Variants in GANC observed in about 807,000 individuals in gnomAD.
GANC encodes neutral alpha-glucosidase C.
A neutral mutation model predicts 124.2 loss-of-function variants in GANC; 117 were observed. That is an observed-to-expected ratio of 0.94 (90% CI 0.81 to 1.10). The LOEUF is 1.10. GANC is among the 50% of genes least tolerant of loss of function. The probability of loss-of-function intolerance (pLI) is 0.00; values close to 1 mark genes in which losing one functional copy is unlikely to be tolerated. For missense variants in GANC, 1,140 were observed against 1,095.0 expected, an observed-to-expected ratio of 1.04 and a Z score of -0.58; for synonymous variants, 377 against 376.8, an observed-to-expected ratio of 1.00 and a Z score of -0.01.
chr15:42,307,077 G>A (rs747521459), intron 7 of GANC, among the ~76,000 whole-genome samples: 101 of 152,268 alleles, frequency 6.6e-4, no homozygotes, highest in Non-Finnish European at 1.2e-3. Flanking sequence ...GATGGAATTA[G>A]GGTAGAGGGG....
intron 10 of GANC, among the ~76,000 whole-genome samples, chr15:42,320,203 AT>A (rs2052144667): frequency 8.8e-5 from 2 of 22,778 alleles, no homozygotes; most frequent in African/African-American, 4.9e-5. Context: ...TAATTAATTA[AT>A]TTTAAAAAAA....
At chr15:42,302,218 G>A (rs2051951985) in intron 6 of GANC, among the ~76,000 whole-genome samples, 2 of 152,204 alleles carry the variant, frequency 1.3e-5, no homozygotes, top group South Asian at 4.1e-4. Context: ...AACAGTGTCT[G>A]GAATGGACCT....
intron 15 of GANC, among the ~76,000 whole-genome samples, chr15:42,333,691 T>C (rs770165705): frequency 6.6e-6 from 1 of 152,254 alleles, no homozygotes; most frequent in African/African-American, 2.4e-5. Context: ...TAATAGTGTT[T>C]ATCTGATAGG....
rs746447294 is a variant in GANC at position 42,310,289 on chromosome 15, A to G, written c.729A>G (p.Gly243=). 6.3e-7 allele frequency: 1 copy of G among 1,587,570 alleles called. No homozygotes were observed. Among genetic ancestry groups the G allele is most frequent in the South Asian group, 1.1e-5 (1 of 87,310 alleles). ...GATAATCTTTGTGTTTCAGTGATGG[A>G]GATGCTTACCGTCTTTATAACCTGG... ...ESHQLKNTGD[G]DAYRLYNLDV... The change falls in exon 9 of 24, where the codon GGA becomes GGG. Residue 243 remains glycine, a synonymous_variant. Coordinates refer to ENST00000318010, the MANE Select transcript of GANC (RefSeq NM_198141.3).
chr15:42,317,776 A>G (rs564295082), intron 10 of GANC, among the ~76,000 whole-genome samples: 3 of 152,330 alleles, frequency 2.0e-5, no homozygotes, highest in East Asian at 1.9e-4. Flanking sequence ...ATTTATGGAT[A>G]TGGGCACCCA....
chr15:42,331,305 C>G (rs562640178), intron 15 of GANC, among the ~76,000 whole-genome samples: 2 of 152,344 alleles, frequency 1.3e-5, no homozygotes, highest in South Asian at 4.1e-4. Flanking sequence ...GGTCCTGTCT[C>G]TTTGATTTAT....
At chr15:42,281,348 A>G (rs1200534363) in intron 3 of GANC, among the ~76,000 whole-genome samples, 1 of 152,176 alleles carries the variant, frequency 6.6e-6, no homozygotes, top group Non-Finnish European at 1.5e-5. Context: ...GGTGATCACT[A>G]ATGTTGCCTG....
chr15:42,305,724 A>G (rs1164990314), intron 6 of GANC, among the ~76,000 whole-genome samples: 1 of 152,256 alleles, frequency 6.6e-6, no homozygotes, highest in Non-Finnish European at 1.5e-5. Context: ...CTGGATAAAG[A>G]AAATGTGGCA....
chr15:42,345,724 G>T, intron 19 of GANC, 34 bp from the exon 20 acceptor site: 1 of 1,348,334 alleles, frequency 7.4e-7, no homozygotes, highest in Non-Finnish European at 1.1e-6. Flanking sequence ...AGTTGCTTAT[G>T]TACTCTTTTT....
Position 42,294,371 on chromosome 15 carries a change from C to T in GANC, c.512+1454C>T, listed in dbSNP as rs2051871108. Among the ~76,000 whole-genome samples the T allele has an allele frequency of 1.3e-5, 2 of 150,430 alleles. 1 individual carries two copies. Among genetic ancestry groups the T allele is most frequent in the African/African-American group, 5.0e-5 (2 of 40,264 alleles). ...GGTGGATCACCTGAGGTCAGGAGTT[C>T]GAGACCAGCCTGGCCAACATGGTGA... On this transcript the variant is annotated intron_variant, in intron 5 of 23. Transcript: ENST00000318010.
intron 11 of GANC, among the ~76,000 whole-genome samples, chr15:42,322,524 G>A (rs1412533611): frequency 6.6e-6 from 1 of 152,110 alleles, no homozygotes; most frequent in African/African-American, 2.4e-5. Flanking sequence ...GCAGGCTGAG[G>A]CTTAGATAGT....
chr15:42,321,713 C>G lies in GANC; in HGVS notation c.1058-72C>G, dbSNP rs1297818851. On this transcript the variant is annotated intron_variant, in intron 10 of 23. Transcript: ENST00000318010. The stretch of plus-strand genomic sequence containing the variant: ...CAGTGCTGAATACTCTGTAGACATT[C>G]AGGAAATGTTTATCAAATGAATAAT... 3 of 1,277,298 alleles carry G rather than the reference C, an allele frequency of 2.3e-6. No homozygotes were observed. In the Admixed American group the frequency reaches 5.2e-5, roughly 22 times the overall value. The allele number at this position is 1,277,298 out of a possible 1,614,324, so 79.1% of individuals were successfully genotyped here.
At chr15:42,328,607 G>A (rs2052215617) in intron 13 of GANC, among the ~76,000 whole-genome samples, 1 of 152,004 alleles carries the variant, frequency 6.6e-6, no homozygotes, top group Admixed American at 6.6e-5. Context: ...AAGCTAGGTA[G>A]GCTCTGCGAG....
At chr15:42,347,419 A>C (rs1489251213) in intron 20 of GANC, among the ~76,000 whole-genome samples, 1 of 151,762 alleles carries the variant, frequency 6.6e-6, no homozygotes, top group Non-Finnish European at 1.5e-5. Flanking sequence ...TGGGAAACCT[A>C]CCCTGGCATT....
chr15:42,336,465 T>G (rs1406928846), intron 15 of GANC, among the ~76,000 whole-genome samples: 1 of 152,144 alleles, frequency 6.6e-6, no homozygotes, highest in Non-Finnish European at 1.5e-5. Flanking sequence ...TTTCATATAC[T>G]GTATACAAAA....
chr15:42,345,969 C>G, intron 20 of GANC, 137 bp downstream of exon 20: 1 of 634,142 alleles, frequency 1.6e-6, no homozygotes, highest in South Asian at 2.0e-5. Context: ...GCTGGAAGTT[C>G]CAGATCAAGG....
At chr15:42,332,655 G>A (rs1156923884) in intron 15 of GANC, among the ~76,000 whole-genome samples, 1 of 152,014 alleles carries the variant, frequency 6.6e-6, no homozygotes, top group Non-Finnish European at 1.5e-5. Context: ...ATGTAAATAC[G>A]TACATATCTC....
intron 1 of GANC, among the ~76,000 whole-genome samples, chr15:42,275,077 C>A (rs968691475): frequency 1.3e-5 from 2 of 152,012 alleles, no homozygotes; most frequent in African/African-American, 4.8e-5. Flanking sequence ...AATCTTTGTA[C>A]ACTTGATTAA....
At chr15:42,290,695 CT>C (rs1158764030) in intron 4 of GANC, among the ~76,000 whole-genome samples, 2 of 152,102 alleles carry the variant, frequency 1.3e-5, no homozygotes, top group African/African-American at 4.8e-5. Context: ...GTTGTCCTAG[CT>C]ACTCAGGAGG....
Sources: gnomAD v4.1 joint callset for allele counts (sites outside exome capture counted in the v4.1 genomes callset) on GRCh38, gnomAD v4.1.1 for gene constraint, MANE v1.5 for transcripts, NCBI Gene and HGNC (gene_info 2026-07-23, HGNC 2026-07-21) for gene names.